Variants in PTK2 observed in about 807,000 individuals in gnomAD.
PTK2 encodes the protein focal adhesion kinase 1.
In PTK2, 45 loss-of-function variants were observed where a neutral mutation model predicts 150.1. The observed-to-expected ratio is 0.30, with a 90% CI of 0.24 to 0.38. The LOEUF is 0.38. Ranked by LOEUF, PTK2 falls within the 10% of genes least tolerant of loss-of-function variation. PTK2 has a pLI of 1.00. For missense variants in PTK2, 919 were observed against 1,307.3 expected (o/e 0.70, Z 4.58); for synonymous variants, 432 against 449.2 (o/e 0.96, Z 0.48).
chr8:140,739,822 C>T (rs1300136434), intron 20 of PTK2, among the ~76,000 whole-genome samples: 2 of 152,026 alleles, frequency 1.3e-5, no homozygotes, highest in African/African-American at 4.8e-5. Context: ...CCTCTGGCTG[C>T]GACAGGAGGG....
intron 1 of PTK2, among the ~76,000 whole-genome samples, chr8:140,982,074 A>AC (rs2100191649): frequency 7.4e-6 from 1 of 134,786 alleles, no homozygotes; most frequent in Non-Finnish European, 1.7e-5. Flanking sequence ...TAAAAAAAAA[A>AC]AAAAAAAAAT....
intron 19 of PTK2, among the ~76,000 whole-genome samples, chr8:140,744,143 TATG>T (rs2100057376): frequency 6.6e-6 from 1 of 151,864 alleles, no homozygotes; most frequent in Admixed American, 6.6e-5. Flanking sequence ...CCAATTCTAA[TATG>T]ATACTTGGCA....
intron 3 of PTK2, among the ~76,000 whole-genome samples, chr8:140,888,830 TAG>T (rs1161507027): frequency 6.6e-6 from 1 of 152,236 alleles, no homozygotes; most frequent in Non-Finnish European, 1.5e-5. Context: ...ATGAATGCCC[TAG>T]AGTTCATTAG....
At chr8:140,967,189 G>C (rs976439685) in intron 1 of PTK2, among the ~76,000 whole-genome samples, 13 of 152,154 alleles carry the variant, frequency 8.5e-5, no homozygotes, top group Non-Finnish European at 1.6e-4. Flanking sequence ...TCAAATACTG[G>C]TTTATCAGCA....
At chr8:140,992,068 G>C (rs1393972677) in intron 1 of PTK2, among the ~76,000 whole-genome samples, 1 of 152,104 alleles carries the variant, frequency 6.6e-6, no homozygotes, top group Non-Finnish European at 1.5e-5. Flanking sequence ...GAGGTGGGCA[G>C]ATCACCTGAG....
intron 2 of PTK2, among the ~76,000 whole-genome samples, chr8:140,910,036 A>G (rs2100162490): frequency 6.6e-6 from 1 of 152,214 alleles, no homozygotes; most frequent in African/African-American, 2.4e-5. Context: ...AAAATCTATC[A>G]TGAGTATACA....
chr8:140,805,384 C>T (rs562809682), intron 10 of PTK2, among the ~76,000 whole-genome samples: 1 of 151,924 alleles, frequency 6.6e-6, no homozygotes, highest in Non-Finnish European at 1.5e-5. Context: ...CATGGTGAAA[C>T]CCCGTCACTA....
At chr8:140,949,787 A>G (rs1427064510) in intron 1 of PTK2, among the ~76,000 whole-genome samples, 1 of 152,150 alleles carries the variant, frequency 6.6e-6, no homozygotes, top group African/African-American at 2.4e-5. Flanking sequence ...CCTGGATAGA[A>G]AGGGGCAGGT....
chr8:140,790,299 C>G (rs968172456), intron 13 of PTK2, among the ~76,000 whole-genome samples: 1 of 152,144 alleles, frequency 6.6e-6, no homozygotes, highest in Non-Finnish European at 1.5e-5. Context: ...ATGCTTGGAA[C>G]AAGAGTGTTT....
intron 1 of PTK2, among the ~76,000 whole-genome samples, chr8:140,990,505 G>A (rs2100195302): frequency 6.6e-6 from 1 of 152,154 alleles, no homozygotes; most frequent in Admixed American, 6.5e-5. Context: ...GCCTCCCAAA[G>A]TGCTGGGGTT....
intron 21 of PTK2, among the ~76,000 whole-genome samples, chr8:140,738,414 A>C (rs1487991901): frequency 6.6e-6 from 1 of 152,156 alleles, no homozygotes; most frequent in Non-Finnish European, 1.5e-5. Context: ...GCAAAGAATA[A>C]ATGAGAGCCA....
intron 24 of PTK2, among the ~76,000 whole-genome samples, chr8:140,703,067 C>T (rs527442016): frequency 1.4e-4 from 21 of 152,232 alleles, no homozygotes; most frequent in Admixed American, 2.6e-4. Context: ...GGCTCTGGGC[C>T]AGGCACGGTG....
At chr8:140,850,405 G>A (rs1409710361) in intron 5 of PTK2, among the ~76,000 whole-genome samples, 4 of 151,046 alleles carry the variant, frequency 2.6e-5, no homozygotes, top group Non-Finnish European at 5.9e-5. Flanking sequence ...CAGCCTGGGG[G>A]CCAACAGTGA....
At chr8:140,938,375 C>G (rs908977288) in intron 1 of PTK2, among the ~76,000 whole-genome samples, 2 of 152,186 alleles carry the variant, frequency 1.3e-5, no homozygotes, top group African/African-American at 4.8e-5. Context: ...AGACCTGAGA[C>G]AAATTCCTCA....
chr8:140,924,044 T>A (rs1042873462), intron 2 of PTK2, among the ~76,000 whole-genome samples: 25 of 152,246 alleles, frequency 1.6e-4, no homozygotes, highest in African/African-American at 5.1e-4. Flanking sequence ...AGCACCTACA[T>A]ACTTAGCACA....
chr8:140,942,694 TAA>T (rs950232411), intron 1 of PTK2, among the ~76,000 whole-genome samples: 14 of 152,142 alleles, frequency 9.2e-5, no homozygotes, highest in African/African-American at 2.7e-4. Context: ...TGTTTGCATA[TAA>T]GTCACTTTTT....
intron 15 of PTK2, chr8:140,764,030 A>G: frequency 1.7e-6 from 1 of 601,852 alleles, no homozygotes; most frequent in East Asian, 2.6e-5. Flanking sequence ...AAAAATTATT[A>G]CAGATATTTG....
At chr8:140,847,404 A>G (rs2100126227) in intron 5 of PTK2, among the ~76,000 whole-genome samples, 1 of 152,244 alleles carries the variant, frequency 6.6e-6, no homozygotes, top group Non-Finnish European at 1.5e-5. Flanking sequence ...AAAAGCCGAT[A>G]AGAGTGATAT....
At chr8:140,937,938 A>C (rs1489228874) in intron 1 of PTK2, among the ~76,000 whole-genome samples, 2 of 152,144 alleles carry the variant, frequency 1.3e-5, no homozygotes, top group Non-Finnish European at 2.9e-5. Flanking sequence ...ATAAAACAAA[A>C]AGAACATGAC....
Sources: gnomAD v4.1 joint callset for allele counts (sites outside exome capture counted in the v4.1 genomes callset) on GRCh38, gnomAD v4.1.1 for gene constraint, MANE v1.5 for transcripts, NCBI Gene and HGNC (gene_info 2026-07-23, HGNC 2026-07-21) for gene names.